ADAMTSL1: variants seen among roughly 807,000 people sequenced by gnomAD.
ADAMTSL1 encodes ADAMTS-like protein 1.
In ADAMTSL1, 126 loss-of-function variants were observed where a neutral mutation model predicts 201.8. The ratio of observed to expected loss-of-function variants is 0.62; its 90% CI spans 0.54 to 0.72. The LOEUF (loss-of-function observed/expected upper bound fraction) is 0.72. Among genes scored for constraint, ADAMTSL1 ranks in the 30% least tolerant of loss-of-function variants. The pLI is 0.00. For synonymous variants in ADAMTSL1, 1,121 were observed against 903.4 expected, an observed-to-expected ratio of 1.24 and a Z score of -4.32; for missense variants, 2,679 against 2,277.8, an observed-to-expected ratio of 1.18 and a Z score of -3.59.
At chr9:18,054,001 T>C (rs986377309) in intron 1 of ADAMTSL1, among the ~76,000 whole-genome samples, 4 of 152,246 alleles carry the variant, frequency 2.6e-5, no homozygotes, top group African/African-American at 9.6e-5. Flanking sequence ...TCTTTTTTTT[T>C]TCAGAATATT....
chr9:18,417,906 A>G (rs1034910783), intron 2 of ADAMTSL1, among the ~76,000 whole-genome samples: 8 of 152,188 alleles, frequency 5.3e-5, no homozygotes, highest in African/African-American at 1.7e-4. Context: ...CAAAAACCAG[A>G]CAAAGATAAT....
intron 2 of ADAMTSL1, among the ~76,000 whole-genome samples, chr9:18,227,741 G>T (rs895836784): frequency 5.3e-5 from 8 of 152,254 alleles, no homozygotes; most frequent in African/African-American, 1.4e-4. Flanking sequence ...CCAGTAGCCT[G>T]ATCACTATCT....
intron 10 of ADAMTSL1, among the ~76,000 whole-genome samples, chr9:18,678,420 A>C (rs1448536610): frequency 1.3e-5 from 2 of 152,178 alleles, no homozygotes; most frequent in African/African-American, 4.8e-5. Context: ...CCCTATTATT[A>C]TACAAGTATT....
At chr9:18,382,118 G>A (rs926035829) in intron 2 of ADAMTSL1, among the ~76,000 whole-genome samples, 5 of 150,208 alleles carry the variant, frequency 3.3e-5, no homozygotes, top group African/African-American at 7.4e-5. Flanking sequence ...AATTTTGACC[G>A]GGGGCAGGTA....
chr9:18,339,128 A>G (rs535908318), intron 2 of ADAMTSL1, among the ~76,000 whole-genome samples: 21 of 152,334 alleles, frequency 1.4e-4, no homozygotes, highest in Non-Finnish European at 2.5e-4. Context: ...TAAACTAAAG[A>G]GCTTCTGCAC....
chr9:17,984,497 G>A (rs1017676557), intron 1 of ADAMTSL1, among the ~76,000 whole-genome samples: 4 of 151,820 alleles, frequency 2.6e-5, no homozygotes, highest in African/African-American at 9.7e-5. Flanking sequence ...TCCCATTATA[G>A]GGATTTATAT....
chr9:18,888,240 C>A (rs187695549), intron 24 of ADAMTSL1, among the ~76,000 whole-genome samples, 197 bp downstream of exon 24: 8 of 152,312 alleles, frequency 5.3e-5, no homozygotes, highest in South Asian at 2.1e-4. Context: ...CATGCCCCAT[C>A]CCAGCAGAAC....
At position 18,098,301 on chromosome 9, in the gene ADAMTSL1, C is replaced by A. The variant is rs532307247; in HGVS notation, c.88-65561C>A. 3.7e-4 allele frequency among the ~76,000 whole-genome samples: 56 copies of A among 152,034 alleles called. 1 individual carries two copies. The South Asian group carries it at 5.0e-3, about 14-fold the overall frequency. ...TATTTTGACTAGTTTCTTTGCATTTCCATATAAGGTTTATAATCAGTTTAT... is the reference window on the plus strand; with the variant it reads ...TATTTTGACTAGTTTCTTTGCATTTACATATAAGGTTTATAATCAGTTTAT... On this transcript the variant is annotated intron_variant, in intron 1 of 29. Transcript: ENST00000680146.
intron 2 of ADAMTSL1, among the ~76,000 whole-genome samples, chr9:18,372,265 T>C (rs1416670179): frequency 6.6e-6 from 1 of 152,128 alleles, no homozygotes; most frequent in Admixed American, 6.5e-5. Context: ...AGAAAATCAA[T>C]AAATGTCTTC....
At chr9:18,849,881 T>C (rs1826370399) in intron 23 of ADAMTSL1, among the ~76,000 whole-genome samples, 1 of 152,180 alleles carries the variant, frequency 6.6e-6, no homozygotes, top group Admixed American at 6.5e-5. Flanking sequence ...AAGTGGAGTA[T>C]AGAGACCCCA....
intron 2 of ADAMTSL1, among the ~76,000 whole-genome samples, chr9:18,441,282 C>CA (rs1029302202): frequency 1.1e-4 from 17 of 152,018 alleles, no homozygotes; most frequent in Non-Finnish European, 2.2e-4. Context: ...AATTCACTCA[C>CA]AAAAAAGTGA....
intron 25 of ADAMTSL1, chr9:18,890,415 G>C: frequency 2.3e-6 from 1 of 430,720 alleles, no homozygotes; most frequent in East Asian, 7.0e-5. Flanking sequence ...TAGTTAAATG[G>C]ATAATAGATG....
intron 1 of ADAMTSL1, among the ~76,000 whole-genome samples, chr9:18,483,028 C>A (rs1168602823): frequency 6.6e-6 from 1 of 152,114 alleles, no homozygotes; most frequent in Non-Finnish European, 1.5e-5. Flanking sequence ...AAATTCCCAG[C>A]CCATAGATTC....
At chr9:18,778,019 G>A (rs535148109) in intron 19 of ADAMTSL1, 113 bp downstream of exon 19, 2 of 1,383,094 alleles carry the variant, frequency 1.4e-6, no homozygotes, top group East Asian at 2.4e-5. Context: ...CTTAGAGCTG[G>A]CCTCGGGGAC....
intron 1 of ADAMTSL1, among the ~76,000 whole-genome samples, chr9:18,060,105 G>C (rs1029828323): frequency 2.6e-5 from 4 of 152,056 alleles, no homozygotes; most frequent in African/African-American, 9.7e-5. Flanking sequence ...TCCAGAGTTG[G>C]TTTATTCTTG....
intron 2 of ADAMTSL1, among the ~76,000 whole-genome samples, chr9:18,183,491 T>G (rs1306965144): frequency 6.6e-6 from 1 of 152,180 alleles, no homozygotes. Flanking sequence ...AAAGCATTAT[T>G]ATCTAAAATA....
At chr9:18,880,728 C>G (rs1828472540) in intron 23 of ADAMTSL1, among the ~76,000 whole-genome samples, 1 of 152,176 alleles carries the variant, frequency 6.6e-6, no homozygotes, top group South Asian at 2.1e-4. Context: ...ACTTTAAAGT[C>G]ACCAGGTGCA....
At chr9:18,626,065 A>G (rs1200755840) in intron 5 of ADAMTSL1, among the ~76,000 whole-genome samples, 1 of 152,220 alleles carries the variant, frequency 6.6e-6, no homozygotes, top group African/African-American at 2.4e-5. Context: ...AAGAAAGCAC[A>G]AAACACTAAA....
chr9:18,463,230 T>A (rs1199535210), intron 2 of ADAMTSL1, among the ~76,000 whole-genome samples: 2 of 152,198 alleles, frequency 1.3e-5, no homozygotes, highest in African/African-American at 4.8e-5. Flanking sequence ...TGGTTAATCA[T>A]ACTTATTATC....
Sources: allele counts gnomAD v4.1 joint callset (sites outside exome capture counted in the v4.1 genomes callset), GRCh38; gene constraint gnomAD v4.1.1; transcripts MANE v1.5; gene names NCBI Gene and HGNC (gene_info 2026-07-23, HGNC 2026-07-21).